COL4A6: variants seen among roughly 807,000 people sequenced by gnomAD.
COL4A6 encodes collagen type IV alpha 6 chain, also known as collagen alpha-6(IV) chain.
In COL4A6, 59 loss-of-function variants were observed where a neutral mutation model predicts 126.7. The ratio of observed to expected loss-of-function variants is 0.47; its 90% CI spans 0.38 to 0.58. The LOEUF (loss-of-function observed/expected upper bound fraction) is 0.58, where lower values mean the gene tolerates loss of function less well. COL4A6 is among the 20% of genes least tolerant of loss of function. The pLI, the probability that COL4A6 is intolerant of heterozygous loss-of-function variation, is 0.00. For synonymous variants in COL4A6, 547 were observed against 496.6 expected (o/e 1.10, Z -1.35); for missense variants, 1,285 against 1,337.3 (o/e 0.96, Z 0.61).
chrX:108,372,368 T>TGAATGAA, intron 2 of COL4A6, among the ~76,000 whole-genome samples: 1 of 111,711 alleles, frequency 9.0e-6, no homozygotes, highest in Middle Eastern at 4.7e-3. Flanking sequence ...TAAGCCCCTG[T>TGAATGAA]GAATGAAGAA....
intron 3 of COL4A6, among the ~76,000 whole-genome samples, chrX:108,300,645 A>T (rs766363361): frequency 9.1e-6 from 1 of 109,804 alleles, no homozygotes; most frequent in African/African-American, 3.3e-5. Flanking sequence ...TACAGACCAT[A>T]CCAGTCTATC....
intron 3 of COL4A6, among the ~76,000 whole-genome samples, chrX:108,278,943 G>A (rs2037709581): frequency 9.0e-6 from 1 of 111,653 alleles, no homozygotes; most frequent in African/African-American, 3.3e-5. Context: ...AGCAAATGCT[G>A]AGAGATTTTG....
chrX:108,277,865 G>A (rs150777020), intron 3 of COL4A6, among the ~76,000 whole-genome samples: 3,344 of 112,054 alleles, frequency 0.03, 118 homozygotes, highest in African/African-American at 0.1. Context: ...CACCGCTGCT[G>A]GTACCCAGGC....
At chrX:108,245,241 T>C (rs765732081) in intron 3 of COL4A6, among the ~76,000 whole-genome samples, 4 of 112,449 alleles carry the variant, frequency 3.6e-5, no homozygotes, top group African/African-American at 1.3e-4. Flanking sequence ...TTCACCACTC[T>C]GCAGTTTGAT....
chrX:108,395,996 A>C, intron 2 of COL4A6, among the ~76,000 whole-genome samples: 1 of 111,876 alleles, frequency 8.9e-6, no homozygotes, highest in East Asian at 2.8e-4. Context: ...TTTGTGTTTA[A>C]GTGTTTTAAA....
intron 23 of COL4A6, among the ~76,000 whole-genome samples, chrX:108,183,949 C>T (rs999800732): frequency 1.8e-5 from 2 of 111,801 alleles, no homozygotes; most frequent in African/African-American, 6.5e-5. Flanking sequence ...CAGTAATAAC[C>T]AGGGTGATTG....
In COL4A6 at chrX:108,187,154, A is replaced by G. The variant is rs767454902; in HGVS notation, c.1893T>C (p.Leu631=). ...GLPGLPGPRG[L]PGDKGKDGLP... ...ATCCATCCTTGCCTTTATCTCCAGG[A>G]AGCCCACGGGGTCCAGGAAGTCCTG... Residue 631 remains leucine, a synonymous_variant, in exon 23 of 45, where the codon CTT becomes CTC. Coordinates refer to ENST00000334504, the MANE Select transcript of COL4A6 (RefSeq NM_033641.4). The G allele has an allele frequency of 3.4e-6, 4 of 1,193,653 alleles. No individual in the cohort carries two copies. In the African/African-American group the frequency reaches 5.3e-5, roughly 16 times the overall value.
rs890164092 is a variant in COL4A6, at chrX:108,271,764, T to C, written c.144+38984A>G. ...GGCGGTTGTGATTGTTCTCACTTCATGCAATAGTCCAAAGGAAGTTCTCTC... is the reference window on the plus strand; with the variant it reads ...GGCGGTTGTGATTGTTCTCACTTCACGCAATAGTCCAAAGGAAGTTCTCTC... On this transcript the variant is annotated intron_variant, in intron 3 of 44. Coordinates refer to ENST00000334504, the MANE Select transcript of COL4A6 (RefSeq NM_033641.4). Among the ~76,000 whole-genome samples the C allele has an allele frequency of 2.7e-5, 3 of 111,999 alleles. No individual in the cohort carries two copies. In the Admixed American group the frequency reaches 2.8e-4, roughly 11 times the overall value.
intron 5 of COL4A6, among the ~76,000 whole-genome samples, chrX:108,215,961 C>G (rs1250867330): frequency 9.0e-6 from 1 of 111,480 alleles, no homozygotes; most frequent in Non-Finnish European, 1.9e-5. Flanking sequence ...ATGTCCCAGC[C>G]AAACTTGCTA....
chrX:108,282,506 G>A (rs1156517411), intron 3 of COL4A6, among the ~76,000 whole-genome samples: 1 of 111,451 alleles, frequency 9.0e-6, no homozygotes, highest in Admixed American at 9.5e-5. Context: ...AACAGGTGCT[G>A]GAGAGGATGT....
intron 2 of COL4A6, among the ~76,000 whole-genome samples, chrX:108,435,588 C>T (rs1163499945): frequency 8.9e-6 from 1 of 111,976 alleles, no homozygotes; most frequent in African/African-American, 3.2e-5. Flanking sequence ...CTATTTTATG[C>T]AGATAAATTG....
rs775038923 is a variant in COL4A6, at chrX:108,156,873, A to G, written c.*127T>C. 1.3e-5 allele frequency: 9 copies of G among 714,470 alleles called. No homozygotes were observed. Among genetic ancestry groups the G allele is most frequent in the Non-Finnish European group, 1.9e-5 (9 of 472,721 alleles). The allele number at this position is 714,470 out of a possible 1,213,427, so 58.9% of individuals were successfully genotyped here. A position where few individuals can be genotyped will look rare whatever the true frequency, so the allele number is the denominator to read the frequency against. Reference sequence around the variant, plus strand: ...ACGAGTGTCCGGTAGTCTAGCCCAAATGAGACTCCAATGTACAACTTGACA... The same window carrying G: ...ACGAGTGTCCGGTAGTCTAGCCCAAGTGAGACTCCAATGTACAACTTGACA... On this transcript the variant is annotated 3_prime_UTR_variant, in exon 45 of 45. Transcript: ENST00000334504.
At chrX:108,222,849 A>AT (rs1453129881) in intron 3 of COL4A6, among the ~76,000 whole-genome samples, 1 of 111,502 alleles carries the variant, frequency 9.0e-6, no homozygotes, top group African/African-American at 3.3e-5. Context: ...TATTATTGGG[A>AT]TTTTCACAAA....
At chrX:108,346,844 G>C (rs1295842946) in intron 2 of COL4A6, among the ~76,000 whole-genome samples, 1 of 111,776 alleles carries the variant, frequency 8.9e-6, no homozygotes, top group Non-Finnish European at 1.9e-5. Context: ...TGGTGAATTG[G>C]TGAGTGACAG....
chrX:108,411,827 G>A (rs189097209), intron 2 of COL4A6, among the ~76,000 whole-genome samples: 2 of 111,481 alleles, frequency 1.8e-5, no homozygotes, highest in African/African-American at 6.5e-5. Context: ...AAACCTGGAG[G>A]CATTTCAAGT....
At chrX:108,369,238 T>G (rs1021891451) in intron 2 of COL4A6, among the ~76,000 whole-genome samples, 11 of 111,768 alleles carry the variant, frequency 9.8e-5, no homozygotes, top group African/African-American at 3.6e-4. Flanking sequence ...CATTATAATC[T>G]TATAGGACTA....
At chrX:108,201,420 T>C (rs2035389353) in intron 13 of COL4A6, among the ~76,000 whole-genome samples, 1 of 112,077 alleles carries the variant, frequency 8.9e-6, no homozygotes, top group Admixed American at 9.5e-5. Context: ...ACTGTAAAAA[T>C]ATATATATAC....
intron 2 of COL4A6, among the ~76,000 whole-genome samples, chrX:108,317,444 G>A (rs182849369): frequency 7.1e-5 from 8 of 112,255 alleles, no homozygotes; most frequent in African/African-American, 1.9e-4. Context: ...ACTTGACTAC[G>A]TTGTGGTAAC....
intron 3 of COL4A6, among the ~76,000 whole-genome samples, chrX:108,294,018 ACCAAAATAACTAC>A (rs2038245924): frequency 3.6e-5 from 4 of 112,254 alleles, no homozygotes; most frequent in African/African-American, 1.3e-4. Context: ...CACTGATGCT[ACCAAAATAACTAC>A]CAGCATTTAT....
Sources: gnomAD v4.1 joint callset for allele counts (sites outside exome capture counted in the v4.1 genomes callset) on GRCh38, gnomAD v4.1.1 for gene constraint, MANE v1.5 for transcripts, NCBI Gene and HGNC (gene_info 2026-07-23, HGNC 2026-07-21) for gene names.